The following FUT8 variants were observed in gnomAD, a reference collection of about 807,000 sequenced individuals.
The protein encoded by FUT8 is fucosyltransferase 8.
Under a neutral mutation model 71.3 loss-of-function variants are expected in FUT8, and 29 were observed. The ratio of observed to expected loss-of-function variants is 0.41; its 90% CI spans 0.30 to 0.55. The LOEUF is 0.55. FUT8 is among the 20% of genes least tolerant of loss of function. The pLI is 0.34. For synonymous variants in FUT8, 254 were observed against 239.3 expected, an observed-to-expected ratio of 1.06 and a Z score of -0.57; for missense variants, 544 against 702.1, an observed-to-expected ratio of 0.77 and a Z score of 2.55.
intron 2 of FUT8, among the ~76,000 whole-genome samples, chr14:65,528,070 C>T (rs531721447): frequency 6.6e-6 from 1 of 152,356 alleles, no homozygotes; most frequent in South Asian, 2.1e-4. Context: ...CTACTCTCTT[C>T]AAAGCTGTCA....
At chr14:65,672,376 TA>T (rs1470488098) in intron 7 of FUT8, among the ~76,000 whole-genome samples, 1 of 152,240 alleles carries the variant, frequency 6.6e-6, no homozygotes, top group African/African-American at 2.4e-5. Flanking sequence ...TTCTTCCACA[TA>T]GATTGCTTGT....
chr14:65,578,862 A>G lies in FUT8; in HGVS notation c.203+17096A>G, dbSNP rs145186207. Among the ~76,000 whole-genome samples the G allele has an allele frequency of 7.7e-4, 118 of 152,286 alleles. 1 individual carries two copies. The highest frequency in any genetic ancestry group is 2.4e-3 in the African/African-American group (99 of 41,552). On this transcript the variant is annotated intron_variant, in intron 3 of 10. Coordinates refer to ENST00000673929, the MANE Select transcript of FUT8 (RefSeq NM_001371533.1). ...TTTCTTGTTATTGTTGCTTGTTCAA[A>G]TAGAATGAATTTGATTTTAACATAG...
At chr14:65,611,211 GCGCGCGCGCGCGCA>G (rs1888909479) in intron 3 of FUT8, among the ~76,000 whole-genome samples, 11 of 11,686 alleles carry the variant, frequency 9.4e-4, no homozygotes, top group Non-Finnish European at 4.6e-3. Context: ...GCGCGCGCGC[GCGCGCGCGCGCGCA>G]CACACACACA....
chr14:65,402,677 A>AT, the FUT8 span, among the ~76,000 whole-genome samples: 1 of 150,948 alleles, frequency 6.6e-6, no homozygotes, highest in Non-Finnish European at 1.5e-5. Flanking sequence ...AGCAAAAAAA[A>AT]TTGTAGAGAT....
chr14:65,662,502 G>A (rs899475479), intron 6 of FUT8, among the ~76,000 whole-genome samples: 7 of 152,150 alleles, frequency 4.6e-5, no homozygotes, highest in African/African-American at 1.7e-4. Flanking sequence ...CTTTGCTGAT[G>A]AATTATAATT....
chr14:65,629,400 T>G, intron 5 of FUT8, 92 bp from the exon 6 acceptor site: 1 of 744,262 alleles, frequency 1.3e-6, no homozygotes, highest in Non-Finnish European at 2.3e-6. Context: ...GCATCAATCT[T>G]TATGAGGAAT....
intron 7 of FUT8, among the ~76,000 whole-genome samples, chr14:65,688,549 A>C (rs1594898162): frequency 6.9e-6 from 1 of 145,164 alleles, no homozygotes; most frequent in Non-Finnish European, 1.5e-5. Flanking sequence ...AAAAAAAGGC[A>C]GGGGAGTTGG....
intron 3 of FUT8, among the ~76,000 whole-genome samples, chr14:65,583,386 T>C (rs1306929793): frequency 6.6e-6 from 1 of 152,168 alleles, no homozygotes; most frequent in African/African-American, 2.4e-5. Flanking sequence ...TTGTTGTTGT[T>C]GTCCAGCCAT....
At chr14:65,720,043 A>G (rs547909236) in intron 7 of FUT8, among the ~76,000 whole-genome samples, 6 of 152,232 alleles carry the variant, frequency 3.9e-5, no homozygotes, top group Non-Finnish European at 5.9e-5. Flanking sequence ...CCATCCCTTC[A>G]GGACAGCAAG....
intron 2 of FUT8, among the ~76,000 whole-genome samples, chr14:65,526,059 CT>C: frequency 6.6e-6 from 1 of 152,248 alleles, no homozygotes; most frequent in South Asian, 2.1e-4. Context: ...GTGGGGAGTT[CT>C]GTAGATGTCT....
the FUT8 span, among the ~76,000 whole-genome samples, chr14:65,401,980 G>A: frequency 6.6e-6 from 1 of 151,676 alleles, no homozygotes; most frequent in South Asian, 2.1e-4. Flanking sequence ...GCGGAAACGT[G>A]AGAGACATGG....
chr14:65,650,720 AAAAAAAAAAC>A (rs1401668958), intron 6 of FUT8, among the ~76,000 whole-genome samples: 8 of 131,198 alleles, frequency 6.1e-5, no homozygotes, highest in African/African-American at 2.2e-4. Context: ...AAAAAAAAAA[AAAAAAAAAAC>A]AAAAAAAACC....
At chr14:65,440,758 A>T (rs1305011966) in intron 1 of FUT8, among the ~76,000 whole-genome samples, 1 of 152,132 alleles carries the variant, frequency 6.6e-6, no homozygotes, top group Non-Finnish European at 1.5e-5. Context: ...TATAGTTGGT[A>T]TAATTGGTAA....
chr14:65,379,098 C>T, the FUT8 span, among the ~76,000 whole-genome samples: 6 of 151,866 alleles, frequency 4.0e-5, no homozygotes, highest in East Asian at 3.9e-4. Context: ...CTGCCTGCCT[C>T]GGCCTCCCAG....
chr14:65,520,581 A>G (rs746143835), intron 2 of FUT8, among the ~76,000 whole-genome samples: 6 of 152,128 alleles, frequency 3.9e-5, no homozygotes, highest in African/African-American at 7.2e-5. Context: ...TTTGCTCATA[A>G]CAAACTCATT....
chr14:65,592,919 C>T (rs1437324630), intron 3 of FUT8, among the ~76,000 whole-genome samples: 1 of 152,186 alleles, frequency 6.6e-6, no homozygotes, highest in East Asian at 1.9e-4. Context: ...CACTATATGT[C>T]AGCATCTGGG....
intron 7 of FUT8, among the ~76,000 whole-genome samples, chr14:65,677,029 A>AT (rs955418300): frequency 6.6e-6 from 1 of 151,336 alleles, no homozygotes; most frequent in African/African-American, 2.4e-5. Context: ...AGTTATACAT[A>AT]TTTTTTTCCC....
chr14:65,510,801 A>G (rs148886925), intron 2 of FUT8, among the ~76,000 whole-genome samples: 1 of 151,570 alleles, frequency 6.6e-6, no homozygotes, highest in African/African-American at 2.4e-5. Flanking sequence ...ATTTATTTGG[A>G]TCTTCTTTTT....
the FUT8 span, among the ~76,000 whole-genome samples, chr14:65,402,551 G>A: frequency 5.3e-5 from 8 of 152,110 alleles, no homozygotes; most frequent in East Asian, 7.7e-4. Context: ...GCCTGTAATC[G>A]CAGCTACTTG....
Sources: allele counts gnomAD v4.1 joint callset (sites outside exome capture counted in the v4.1 genomes callset), GRCh38; gene constraint gnomAD v4.1.1; transcripts MANE v1.5; gene names NCBI Gene and HGNC (gene_info 2026-07-23, HGNC 2026-07-21).